Variants in GFOD2 observed in about 807,000 individuals in gnomAD.
The protein encoded by GFOD2 is Gfo/Idh/MocA-like oxidoreductase domain containing 2.
A neutral mutation model predicts 24.6 loss-of-function variants in GFOD2; 9 were observed. The ratio of observed to expected loss-of-function variants is 0.37; its 90% confidence interval spans 0.22 to 0.64. The LOEUF is 0.64. Among genes scored for constraint, GFOD2 ranks in the 30% least tolerant of loss-of-function variants. GFOD2 has a pLI of 0.65. For synonymous variants in GFOD2, 211 were observed against 224.8 expected (o/e 0.94, Z 0.55); for missense variants, 476 against 532.5 (o/e 0.89, Z 1.04).
chr16:67,714,427 G>A (rs527958104), intron 1 of GFOD2, among the ~76,000 whole-genome samples: 2 of 150,234 alleles, frequency 1.3e-5, no homozygotes, highest in East Asian at 1.9e-4. Context: ...GCAGTGAGCC[G>A]GGATTGTGCC....
At chr16:67,697,422 T>C (rs538294228) in intron 1 of GFOD2, among the ~76,000 whole-genome samples, 1 of 152,314 alleles carries the variant, frequency 6.6e-6, no homozygotes, top group African/African-American at 2.4e-5. Context: ...AGTAGAAATA[T>C]GAGGGTCATA....
intron 2 of GFOD2, chr16:67,682,366 A>C: frequency 2.0e-6 from 2 of 985,450 alleles, no homozygotes; most frequent in Non-Finnish European, 2.4e-6. Flanking sequence ...AATGAACCAC[A>C]GAAGTGCCAA....
rs186784743 is a variant in GFOD2 at position 67,684,004 on chromosome 16, G to A, written c.259+1453C>T. 184 of 604,972 alleles carry A rather than the reference G, an allele frequency of 3.0e-4. 1 individual carries two copies. In the African/African-American group the frequency reaches 3.6e-3, roughly 12 times the overall value. 37.5% of individuals were successfully genotyped at this position (604,972 alleles called of 1,614,324 possible). On this transcript the variant is annotated intron_variant, in intron 2 of 2. Transcript: ENST00000268797. ...GACTATAAAATCTGAAGACAGGGAG[G>A]GGTCCAATCTAACACAGCTTTGAAT... is the stretch of plus-strand genomic sequence containing the variant.
At chr16:67,700,860 C>T (rs969399444) in intron 1 of GFOD2, among the ~76,000 whole-genome samples, 4 of 149,692 alleles carry the variant, frequency 2.7e-5, no homozygotes, top group Non-Finnish European at 5.9e-5. Context: ...TGGTGAAACC[C>T]CGTTCCTACT....
intron 1 of GFOD2, among the ~76,000 whole-genome samples, chr16:67,702,949 A>C (rs551159749): frequency 2.0e-5 from 3 of 152,124 alleles, no homozygotes; most frequent in Non-Finnish European, 2.9e-5. Context: ...TGTGTGTGAG[A>C]AATCAGATTC....
intron 2 of GFOD2, chr16:67,684,820 G>A (rs552024648): frequency 5.1e-6 from 5 of 985,802 alleles, no homozygotes; most frequent in South Asian, 4.7e-5. Context: ...AAGACCAACG[G>A]GAACTGTAGG....
chr16:67,682,770 C>T (rs890220083), intron 2 of GFOD2: 4 of 985,242 alleles, frequency 4.1e-6, no homozygotes, highest in Admixed American at 6.1e-5. Flanking sequence ...AGAAAAATCA[C>T]AGCACGAAGA....
intron 2 of GFOD2, chr16:67,683,710 ACCTT>A: frequency 8.1e-7 from 1 of 1,230,070 alleles, no homozygotes; most frequent in Non-Finnish European, 1.0e-6. Context: ...GGTGACAGAC[ACCTT>A]CCTATGACAT....
chr16:67,718,211 C>T (rs2053520206), intron 1 of GFOD2, among the ~76,000 whole-genome samples: 1 of 152,226 alleles, frequency 6.6e-6, no homozygotes, highest in African/African-American at 2.4e-5. Context: ...GGGCCACACA[C>T]TAAGGGCTAT....
At position 67,675,908 on chromosome 16, in the gene GFOD2, C is replaced by A; in HGVS notation, c.405G>T (p.Gln135His). The stretch of plus-strand genomic sequence containing the variant: ...CTCCCACATAGTGTTCCGAAATCAG[C>A]TGTTTCATGCGCACGAAGGCAGGCA... Reference protein sequence around the residue: ...RFLPAFVRMKQLISEHYVGAV... With the variant: ...RFLPAFVRMKHLISEHYVGAV... Residue 135 changes from glutamine (Q) to histidine (H), a missense_variant, in exon 3 of 3, where the codon CAG (glutamine) becomes CAT (histidine). By Grantham distance (24) the Gln-to-His change is conservative. Transcript: ENST00000268797. 6.2e-7 allele frequency: 1 copy of A among 1,614,224 alleles called. No homozygotes were observed. Among genetic ancestry groups the A allele is most frequent in the South Asian group, 1.1e-5 (1 of 91,090 alleles).
chr16:67,692,087 A>C (rs892213889), intron 1 of GFOD2, among the ~76,000 whole-genome samples: 16 of 152,108 alleles, frequency 1.1e-4, no homozygotes, highest in African/African-American at 3.4e-4. Flanking sequence ...AAAGATATTT[A>C]CCACATCATG....
chr16:67,716,340 C>A (rs1279934049), intron 1 of GFOD2, among the ~76,000 whole-genome samples: 1 of 152,142 alleles, frequency 6.6e-6, no homozygotes, highest in Non-Finnish European at 1.5e-5. Context: ...CAGAAAATGG[C>A]ATAGAAGTTA....
chr16:67,704,914 T>C (rs2053429092), intron 1 of GFOD2, among the ~76,000 whole-genome samples: 1 of 152,244 alleles, frequency 6.6e-6, no homozygotes, highest in South Asian at 2.1e-4. Context: ...GCTTATCATC[T>C]GGCACCTGCC....
intron 1 of GFOD2, among the ~76,000 whole-genome samples, chr16:67,699,477 G>A (rs1005077549): frequency 6.6e-6 from 1 of 152,072 alleles, no homozygotes; most frequent in Non-Finnish European, 1.5e-5. Flanking sequence ...AGAATGTGGT[G>A]TTTTTTTGTT....
intron 2 of GFOD2, chr16:67,683,256 T>C: frequency 8.9e-7 from 1 of 1,124,068 alleles, no homozygotes; most frequent in African/African-American, 1.6e-5. Context: ...GCAAGCTTGT[T>C]GCCAAAGAAC....
intron 2 of GFOD2, chr16:67,683,764 G>C: frequency 8.1e-7 from 1 of 1,227,280 alleles, no homozygotes; most frequent in East Asian, 3.2e-5. Flanking sequence ...AGACCCTGAG[G>C]TTTGCCACCA....
chr16:67,678,224 C>A (rs1485758804), intron 2 of GFOD2, among the ~76,000 whole-genome samples: 2 of 152,174 alleles, frequency 1.3e-5, no homozygotes, highest in African/African-American at 4.8e-5. Context: ...CGCCTATAAT[C>A]CCAGCACTTT....
At chr16:67,694,987 CTTTTTTT>C (rs542893576) in intron 1 of GFOD2, among the ~76,000 whole-genome samples, 8,197 of 121,422 alleles carry the variant, frequency 0.068, 239 homozygotes, top group Middle Eastern at 0.21. Context: ...CCATCTCTCT[CTTTTTTT>C]TTTTTTTTTT....
intron 1 of GFOD2, among the ~76,000 whole-genome samples, chr16:67,700,232 G>A (rs560201533): frequency 3.3e-5 from 5 of 151,914 alleles, no homozygotes; most frequent in African/African-American, 7.2e-5. Context: ...AAAATTAGCC[G>A]GTCATGACAG....
Sources: allele counts gnomAD v4.1 joint callset (sites outside exome capture counted in the v4.1 genomes callset), GRCh38; gene constraint gnomAD v4.1.1; transcripts MANE v1.5; gene names NCBI Gene and HGNC (gene_info 2026-07-23, HGNC 2026-07-21).